WDR44: variants seen among roughly 807,000 people sequenced by gnomAD.
WDR44 encodes WD repeat domain 44.
WDR44 carries 9 observed loss-of-function variants against 65.7 expected under a neutral mutation model. The ratio of observed to expected loss-of-function variants is 0.14; its 90% CI spans 0.08 to 0.24. The LOEUF (loss-of-function observed/expected upper bound fraction) is 0.24, where lower values mean the gene tolerates loss of function less well. WDR44 is among the 10% of genes least tolerant of loss of function. The probability of loss-of-function intolerance (pLI) is 1.00; values close to 1 mark genes in which losing one functional copy is unlikely to be tolerated. For missense variants in WDR44, 425 were observed against 670.9 expected (o/e 0.63, Z 4.05); for synonymous variants, 220 against 235.2 (o/e 0.94, Z 0.59).
chrX:118,369,393 G>A (rs188632217), intron 1 of WDR44, among the ~76,000 whole-genome samples: 1,550 of 101,383 alleles, frequency 0.015, 31 homozygotes, highest in African/African-American at 0.053. Context: ...GGGTGGTCTC[G>A]ATCTCCTGAC....
intron 15 of WDR44, 23 bp downstream of exon 15, chrX:118,441,582 T>C: frequency 8.5e-7 from 1 of 1,169,819 alleles, no homozygotes; most frequent in Non-Finnish European, 1.2e-6. Context: ...TTTTTGTAAA[T>C]TATATAATTG....
chrX:118,443,810 C>T lies in WDR44; in HGVS notation c.2512+123C>T, dbSNP rs879092389. 41 of 667,667 alleles carry T rather than the reference C, an allele frequency of 6.1e-5. No individual in the cohort carries two copies. The South Asian group carries it at 1.7e-3, about 27-fold the overall frequency. The allele number at this position is 667,667 out of a possible 1,213,427, so 55.0% of individuals were successfully genotyped here. On this transcript the variant is annotated intron_variant, in intron 18 of 19. Transcript: ENST00000254029. ...CTGTAATCCCAGCACTTTGGGAGGC[C>T]CATACGGGTGTATCACGAGGTCAGG...
In WDR44 at chrX:118,405,185, ACCAC is replaced by A. The variant is rs1416787753; in HGVS notation, c.1381+743_1381+746del. Among the ~76,000 whole-genome samples the A allele has an allele frequency of 2.8e-3, 295 of 104,185 alleles. 2 individuals carry two copies. Among genetic ancestry groups the A allele is most frequent in the African/African-American group, 0.01 (284 of 28,041 alleles). The allele number at this position is 104,185 out of a possible 115,157, so 90.5% of individuals were successfully genotyped here. ...CAAGTAGCTGGGATTATAGGCACACACCACCACACCTGGCTAATTTTTGTATTTT... is the reference window on the plus strand; with the variant it reads ...CAAGTAGCTGGGATTATAGGCACACACACACCTGGCTAATTTTTGTATTTT... On this transcript the variant is annotated intron_variant, in intron 9 of 19. Coordinates refer to ENST00000254029, the MANE Select transcript of WDR44 (RefSeq NM_019045.5).
intron 14 of WDR44, among the ~76,000 whole-genome samples, chrX:118,438,043 A>G (rs1480804178): frequency 9.1e-6 from 1 of 109,711 alleles, no homozygotes; most frequent in African/African-American, 3.3e-5. Flanking sequence ...AAAAAAAAAA[A>G]AGAGGAAGAA....
intron 1 of WDR44, among the ~76,000 whole-genome samples, chrX:118,350,580 C>T: frequency 9.0e-6 from 1 of 110,616 alleles, no homozygotes; most frequent in Non-Finnish European, 1.9e-5. Context: ...TTAATCTTTT[C>T]GTTTAACTTA....
intron 12 of WDR44, among the ~76,000 whole-genome samples, chrX:118,427,262 A>G (rs1306369626): frequency 9.8e-6 from 1 of 102,246 alleles, no homozygotes; most frequent in Admixed American, 1.1e-4. Context: ...AAGCACCACC[A>G]TGCCTGGCTT....
chrX:118,353,712 A>G (rs1420023967), intron 1 of WDR44, among the ~76,000 whole-genome samples: 4 of 112,578 alleles, frequency 3.6e-5, no homozygotes, highest in African/African-American at 1.3e-4. Context: ...CTTTATAATA[A>G]CAAGTAGAAT....
chrX:118,435,271 T>G (rs1039911770), intron 13 of WDR44, among the ~76,000 whole-genome samples: 8 of 111,843 alleles, frequency 7.2e-5, no homozygotes, highest in African/African-American at 2.3e-4. Context: ...TGTTTTTTGT[T>G]TTTTTCTTCT....
chrX:118,416,068 C>G (rs771006846), intron 12 of WDR44, among the ~76,000 whole-genome samples: 1 of 111,781 alleles, frequency 8.9e-6, no homozygotes, highest in African/African-American at 3.2e-5. Flanking sequence ...TGGATTTTCT[C>G]TTTTATTTTC....
chrX:118,374,452 G>T, intron 1 of WDR44, among the ~76,000 whole-genome samples: 1 of 111,652 alleles, frequency 9.0e-6, no homozygotes, highest in East Asian at 2.8e-4. Context: ...AGGCTTAATA[G>T]ACTTGAAATT....
At chrX:118,447,212 T>C in intron 19 of WDR44, 1 of 228,493 alleles carries the variant, frequency 4.4e-6, no homozygotes, top group Non-Finnish European at 8.2e-6. Context: ...GTGCTACCTT[T>C]TTACATTCCA....
chrX:118,418,394 TC>T (rs964865194), intron 12 of WDR44, among the ~76,000 whole-genome samples: 1 of 111,428 alleles, frequency 9.0e-6, no homozygotes, highest in African/African-American at 3.3e-5. Context: ...GTAGTACTCT[TC>T]CCTTTTTCCT....
chrX:118,357,814 G>T (rs1016355064), intron 1 of WDR44, among the ~76,000 whole-genome samples: 1 of 110,364 alleles, frequency 9.1e-6, no homozygotes, highest in Non-Finnish European at 1.9e-5. Context: ...AAGAATTCAA[G>T]GCTATAGTGA....
chrX:118,367,941 A>G (rs981362370), intron 1 of WDR44, among the ~76,000 whole-genome samples: 3 of 111,747 alleles, frequency 2.7e-5, no homozygotes, highest in African/African-American at 9.8e-5. Flanking sequence ...CTCACTTTGA[A>G]TAACTGTTAT....
At chrX:118,383,878 C>CTTTTTTT (rs549809406) in intron 2 of WDR44, among the ~76,000 whole-genome samples, 4 of 69,814 alleles carry the variant, frequency 5.7e-5, no homozygotes, top group Middle Eastern at 8.8e-3. Context: ...TTTTTAATTT[C>CTTTTTTT]TTTTTTTTTT....
intron 1 of WDR44, among the ~76,000 whole-genome samples, chrX:118,355,108 G>GAAT (rs2056447175): frequency 1.8e-5 from 2 of 111,753 alleles, no homozygotes; most frequent in Admixed American, 1.9e-4. Context: ...GTTAACAATT[G>GAAT]AATTTTTTTT....
At chrX:118,441,215 C>A (rs2057303497) in intron 14 of WDR44, among the ~76,000 whole-genome samples, 153 bp from the exon 15 acceptor site, 1 of 111,145 alleles carries the variant, frequency 9.0e-6, no homozygotes, top group Non-Finnish European at 1.9e-5. Context: ...CCTTGGCCTC[C>A]CCCAAAGTGC....
chrX:118,424,307 A>G (rs1305489982), intron 12 of WDR44, among the ~76,000 whole-genome samples: 9 of 74,721 alleles, frequency 1.2e-4, no homozygotes, highest in Admixed American at 4.6e-4. Flanking sequence ...GTGTATATAT[A>G]TATATGTGTG....
At chrX:118,398,357 T>G (rs1357571392) in intron 7 of WDR44, 30 bp from the exon 8 acceptor site, 3 of 1,172,622 alleles carry the variant, frequency 2.6e-6, no homozygotes, top group Non-Finnish European at 3.5e-6. Flanking sequence ...AAGAAATGGC[T>G]TCTTTTAAAA....
Sources: allele counts gnomAD v4.1 joint callset (sites outside exome capture counted in the v4.1 genomes callset), GRCh38; gene constraint gnomAD v4.1.1; transcripts MANE v1.5; gene names NCBI Gene and HGNC (gene_info 2026-07-23, HGNC 2026-07-21).